CIMAP3: variants seen among roughly 807,000 people sequenced by gnomAD.
CIMAP3 encodes ciliary microtubule-associated protein 3.
At chr1:111,345,130 GT>G in the CIMAP3 span, among the ~76,000 whole-genome samples, 4 of 152,274 alleles carry the variant, frequency 2.6e-5, no homozygotes, top group African/African-American at 9.6e-5. Context: ...GCAAAACAAA[GT>G]TGCCTAATGA....
At chr1:111,330,170 A>C in the CIMAP3 span, among the ~76,000 whole-genome samples, 1 of 151,948 alleles carries the variant, frequency 6.6e-6, no homozygotes, top group Non-Finnish European at 1.5e-5. Flanking sequence ...CCATATTCTG[A>C]ATTCTATTTC....
chr1:111,352,790 C>A, the CIMAP3 span: 3 of 151,838 alleles, frequency 2.0e-5, no homozygotes, highest in African/African-American at 7.3e-5. Context: ...GCTTCAAGTT[C>A]TTAGGTCCCT....
chr1:111,347,710 A>T, the CIMAP3 span: 2 of 1,613,118 alleles, frequency 1.2e-6, no homozygotes, highest in Non-Finnish European at 1.7e-6. Context: ...TAAGATCCCA[A>T]CCAGTATAAA....
the CIMAP3 span, among the ~76,000 whole-genome samples, chr1:111,325,499 A>G: frequency 6.6e-6 from 1 of 152,176 alleles, no homozygotes; most frequent in African/African-American, 2.4e-5. Context: ...TCCAGAATAG[A>G]GATCTCTATT....
chr1:111,341,244 A>G, the CIMAP3 span, among the ~76,000 whole-genome samples: 15 of 151,656 alleles, frequency 9.9e-5, no homozygotes, highest in Admixed American at 1.3e-4. Context: ...GCATTGGGAG[A>G]TATACCTAAT....
the CIMAP3 span, among the ~76,000 whole-genome samples, chr1:111,327,935 T>C: frequency 1.2e-4 from 19 of 152,290 alleles, no homozygotes; most frequent in African/African-American, 4.3e-4. Flanking sequence ...CTTTTAGTTG[T>C]GAAGTTAGGT....
At chr1:111,350,242 CTG>C in the CIMAP3 span, 1 of 1,543,480 alleles carries the variant, frequency 6.5e-7, no homozygotes, top group South Asian at 1.1e-5. Flanking sequence ...ATTGGAACTT[CTG>C]TAGAAGACTC....
At chr1:111,341,655 A>G in the CIMAP3 span, among the ~76,000 whole-genome samples, 1 of 152,234 alleles carries the variant, frequency 6.6e-6, no homozygotes, top group Non-Finnish European at 1.5e-5. Context: ...AGCTTCTCAT[A>G]TATCAGTAGT....
the CIMAP3 span, chr1:111,347,620 T>TTTTTTTTTTTTTTTTTTTTTGTG: frequency 9.2e-7 from 1 of 1,091,638 alleles, no homozygotes. Context: ...TGTTTTTTCT[T>TTTTTTTTTTTTTTTTTTTTTGTG]TCTTTTTTTT....
the CIMAP3 span, among the ~76,000 whole-genome samples, chr1:111,339,880 A>G: frequency 6.6e-6 from 1 of 151,796 alleles, no homozygotes; most frequent in Non-Finnish European, 1.5e-5. Context: ...GGAACCAAAA[A>G]AGAGCCCGCA....
At chr1:111,352,962 A>G in the CIMAP3 span, 1 of 152,246 alleles carries the variant, frequency 6.6e-6, no homozygotes, top group African/African-American at 2.4e-5. Flanking sequence ...CCTTCAGGAT[A>G]CTTTAAATGC....
the CIMAP3 span, chr1:111,349,243 TG>T: frequency 1.3e-5 from 2 of 152,436 alleles, no homozygotes; most frequent in South Asian, 4.1e-4. Flanking sequence ...GAGCCAGCCC[TG>T]TGAAGATCTG....
the CIMAP3 span, among the ~76,000 whole-genome samples, chr1:111,342,242 G>T: frequency 2.0e-5 from 3 of 152,164 alleles, no homozygotes; most frequent in African/African-American, 7.2e-5. Flanking sequence ...AACTATACAG[G>T]CTAGGAGTAA....
At chr1:111,351,523 G>T in the CIMAP3 span, 1 of 419,692 alleles carries the variant, frequency 2.4e-6, no homozygotes. Context: ...ACTGACTTGT[G>T]GTGTACACGT....
At chr1:111,339,199 G>C in the CIMAP3 span, among the ~76,000 whole-genome samples, 2 of 151,268 alleles carry the variant, frequency 1.3e-5, no homozygotes, top group Non-Finnish European at 2.9e-5. Context: ...TTCATGGGAC[G>C]TATCTCAAAA....
the CIMAP3 span, among the ~76,000 whole-genome samples, chr1:111,335,984 G>A: frequency 1.3e-4 from 20 of 152,302 alleles, no homozygotes; most frequent in East Asian, 3.3e-3. Flanking sequence ...ACACGGCCGG[G>A]TACTCCTCTG....
At chr1:111,333,702 G>A in the CIMAP3 span, among the ~76,000 whole-genome samples, 11 of 152,118 alleles carry the variant, frequency 7.2e-5, no homozygotes, top group Non-Finnish European at 1.5e-4. Flanking sequence ...CTGCCCTCCT[G>A]GACTTCCCAT....
chr1:111,345,471 T>C, the CIMAP3 span, among the ~76,000 whole-genome samples: 1 of 152,354 alleles, frequency 6.6e-6, no homozygotes, highest in African/African-American at 2.4e-5. Context: ...GCCTGGGCAA[T>C]GCAGTGTAGG....
At chr1:111,324,907 C>A in the CIMAP3 span, 8 of 970,218 alleles carry the variant, frequency 8.2e-6, no homozygotes, top group Non-Finnish European at 9.8e-6. Flanking sequence ...TGTTCTTGGA[C>A]TCTAGTAGAT....
Sources: gnomAD v4.1 joint callset for allele counts (sites outside exome capture counted in the v4.1 genomes callset) on GRCh38, gnomAD v4.1.1 for gene constraint, MANE v1.5 for transcripts, NCBI Gene and HGNC (gene_info 2026-07-23, HGNC 2026-07-21) for gene names.